WWOX: variants seen among roughly 807,000 people sequenced by gnomAD.
WWOX encodes the protein WW domain containing oxidoreductase.
Under a neutral mutation model 46.2 loss-of-function variants are expected in WWOX, and 69 were observed. The observed-to-expected ratio is 1.49, with a 90% CI of 1.23 to 1.82. The LOEUF (loss-of-function observed/expected upper bound fraction) is 1.82, where lower values mean the gene tolerates loss of function less well. Ranked by LOEUF, WWOX falls within the 40% of genes most tolerant of loss-of-function variation. The pLI is 0.00. For synonymous variants in WWOX, 359 were observed against 202.6 expected (o/e 1.77, Z -6.56); for missense variants, 919 against 542.6 (o/e 1.69, Z -6.89).
At chr16:78,386,292 C>T (rs1431287688) in intron 5 of WWOX, among the ~76,000 whole-genome samples, 6 of 152,148 alleles carry the variant, frequency 3.9e-5, no homozygotes, top group African/African-American at 1.4e-4. Context: ...TGTATTCCAC[C>T]TGTTGATAGA....
intron 8 of WWOX, among the ~76,000 whole-genome samples, chr16:78,969,252 G>GCTCT (rs202162858): frequency 6.7e-6 from 1 of 148,382 alleles, no homozygotes; most frequent in Non-Finnish European, 1.5e-5. Context: ...TTGCCACCCT[G>GCTCT]CTCTCTCTCT....
At chr16:79,070,215 A>T (rs1358636554) in intron 8 of WWOX, among the ~76,000 whole-genome samples, 1 of 151,872 alleles carries the variant, frequency 6.6e-6, no homozygotes, top group East Asian at 1.9e-4. Flanking sequence ...TGAAACCCAC[A>T]CTTGGTCTGA....
At chr16:79,034,625 C>A (rs2047830311) in intron 8 of WWOX, among the ~76,000 whole-genome samples, 1 of 151,760 alleles carries the variant, frequency 6.6e-6, no homozygotes, top group South Asian at 2.1e-4. Context: ...GTCTCAAAGG[C>A]ATTAATCTTT....
rs145870444 is a variant in WWOX at position 79,194,481 on chromosome 16, A to C, written c.1057-17127A>C. Among the ~76,000 whole-genome samples the C allele has an allele frequency of 2.8e-3, 432 of 152,314 alleles. 1 individual carries two copies. Among genetic ancestry groups the C allele is most frequent in the African/African-American group, 9.8e-3 (406 of 41,570 alleles). ...GGTTCTGGTTATGAACTCACAGAGG[A>C]AGTGACGGCTGAACTTTGTAAGGAC... is the stretch of plus-strand genomic sequence containing the variant. On this transcript the variant is annotated intron_variant, in intron 8 of 8. Coordinates refer to ENST00000566780, the MANE Select transcript of WWOX (RefSeq NM_016373.4).
At chr16:78,430,091 G>C (rs112234669) in intron 7 of WWOX, among the ~76,000 whole-genome samples, 2 of 152,170 alleles carry the variant, frequency 1.3e-5, no homozygotes, top group Admixed American at 6.5e-5. Flanking sequence ...CACATGGCTG[G>C]GGAGGCCTCA....
chr16:78,711,852 C>G (rs1019546263), intron 8 of WWOX, among the ~76,000 whole-genome samples: 1 of 152,088 alleles, frequency 6.6e-6, no homozygotes, highest in Non-Finnish European at 1.5e-5. Context: ...ACAATTATTC[C>G]GTAAACACAT....
intron 8 of WWOX, among the ~76,000 whole-genome samples, chr16:78,485,726 A>G (rs947887606): frequency 6.6e-6 from 1 of 152,214 alleles, no homozygotes; most frequent in African/African-American, 2.4e-5. Flanking sequence ...CTGGCTCCAG[A>G]TGAAAGAACA....
intron 8 of WWOX, among the ~76,000 whole-genome samples, chr16:78,592,303 T>C (rs927125752): frequency 3.9e-5 from 6 of 152,226 alleles, no homozygotes; most frequent in African/African-American, 1.4e-4. Flanking sequence ...TCTGCCAAGA[T>C]GTGGAATTTT....
chr16:79,093,535 C>G (rs1378755158), intron 8 of WWOX, among the ~76,000 whole-genome samples: 1 of 151,972 alleles, frequency 6.6e-6, no homozygotes, highest in Non-Finnish European at 1.5e-5. Flanking sequence ...ATTTAACAGT[C>G]ACAGTGGCTC....
chr16:78,099,716 A>C lies in WWOX; in HGVS notation c.-63A>C, dbSNP rs1001385255. The C allele has an allele frequency of 4.7e-6, 7 of 1,490,490 alleles. No individual in the cohort carries two copies. The highest frequency in any genetic ancestry group is 6.2e-6 in the Non-Finnish European group (7 of 1,120,264). 92.3% of individuals were successfully genotyped at this position (1,490,490 alleles called of 1,614,324 possible). On this transcript the variant is annotated 5_prime_UTR_variant, in exon 1 of 9. Transcript: ENST00000566780. Reference sequence around the variant, plus strand: ...GCGGGTCTCGTTTGGAGCGGGAGTGAGTTCCTGAGCGAGTGGACCCGGCAG... The same window carrying C: ...GCGGGTCTCGTTTGGAGCGGGAGTGCGTTCCTGAGCGAGTGGACCCGGCAG...
At position 78,229,515 on chromosome 16, in the gene WWOX, G is replaced by GAGATAT. The variant is rs1555506149; in HGVS notation, c.516+65227_516+65228insGATATA. ...ATATATTTATCTATATCTATATAGA[G>GAGATAT]ATATATATATATATATAAAATAATG... On this transcript the variant is annotated intron_variant, in intron 5 of 8. Transcript: ENST00000566780. Among the ~76,000 whole-genome samples, 70 of 80,444 alleles carry GAGATAT rather than the reference G, an allele frequency of 8.7e-4. No homozygotes were observed. In the East Asian group the frequency reaches 0.019, roughly 21 times the overall value. The allele number at this position is 80,444 out of a possible 152,430, so 52.8% of individuals were successfully genotyped here. A position where few individuals can be genotyped will look rare whatever the true frequency, so the allele number is the denominator to read the frequency against.
At chr16:78,821,545 C>T (rs1370008424) in intron 8 of WWOX, among the ~76,000 whole-genome samples, 1 of 152,152 alleles carries the variant, frequency 6.6e-6, no homozygotes, top group Non-Finnish European at 1.5e-5. Context: ...GGAAGTTCAC[C>T]CATTCCCAAC....
At chr16:79,130,366 C>G (rs553771171) in intron 8 of WWOX, among the ~76,000 whole-genome samples, 1 of 152,276 alleles carries the variant, frequency 6.6e-6, no homozygotes, top group Admixed American at 6.5e-5. Context: ...ATTAATACAA[C>G]TAATAAATAG....
chr16:79,133,841 GT>G (rs1222382985), intron 8 of WWOX, among the ~76,000 whole-genome samples: 1 of 152,154 alleles, frequency 6.6e-6, no homozygotes, highest in African/African-American at 2.4e-5. Context: ...CTCAGTAAAT[GT>G]TTTTTTCAAA....
intron 8 of WWOX, among the ~76,000 whole-genome samples, chr16:78,768,190 A>G (rs1000502067): frequency 6.6e-6 from 1 of 150,844 alleles, no homozygotes; most frequent in Non-Finnish European, 1.5e-5. Flanking sequence ...GCAAAGAAGT[A>G]CAGCCAGTAT....
intron 8 of WWOX, among the ~76,000 whole-genome samples, chr16:79,097,019 T>C (rs779020276): frequency 1.3e-5 from 2 of 151,922 alleles, no homozygotes; most frequent in African/African-American, 2.4e-5. Context: ...TTCTGTGGCA[T>C]AGAAGGCATA....
chr16:78,606,561 A>T (rs1296910510), intron 8 of WWOX, among the ~76,000 whole-genome samples: 1 of 152,106 alleles, frequency 6.6e-6, no homozygotes, highest in African/African-American at 2.4e-5. Context: ...TTGACCTGTC[A>T]GCTTAAAAAG....
chr16:78,138,418 T>A (rs2033873568), intron 4 of WWOX, among the ~76,000 whole-genome samples: 1 of 136,878 alleles, frequency 7.3e-6, no homozygotes, highest in Non-Finnish European at 1.7e-5. Flanking sequence ...TAGCTCAGAA[T>A]AAGGATGTGA....
intron 8 of WWOX, among the ~76,000 whole-genome samples, chr16:78,829,765 G>A (rs976963395): frequency 2.6e-5 from 4 of 152,152 alleles, no homozygotes; most frequent in Non-Finnish European, 5.9e-5. Context: ...AGTATCCCAA[G>A]ATCCTACAGG....
Sources: gnomAD v4.1 joint callset for allele counts (sites outside exome capture counted in the v4.1 genomes callset) on GRCh38, gnomAD v4.1.1 for gene constraint, MANE v1.5 for transcripts, NCBI Gene and HGNC (gene_info 2026-07-23, HGNC 2026-07-21) for gene names.